PPM1L: variants seen among roughly 807,000 people sequenced by gnomAD.
The protein encoded by PPM1L is protein phosphatase, Mg2+/Mn2+ dependent 1L, also known as protein phosphatase 1L.
A neutral mutation model predicts 31.4 loss-of-function variants in PPM1L; 13 were observed. The observed-to-expected ratio is 0.41, with a 90% CI of 0.27 to 0.66. PPM1L has a LOEUF of 0.66. Among genes scored for constraint, PPM1L ranks in the 30% least tolerant of loss-of-function variants. The pLI is 0.29. For missense variants in PPM1L, 326 were observed against 453.7 expected (o/e 0.72, Z 2.56); for synonymous variants, 184 against 175.4 (o/e 1.05, Z -0.39).
In PPM1L at chr3:161,078,472, TTAATAAA is replaced by T. The variant is rs1720178439; in HGVS notation, c.*9319_*9325del. On this transcript the variant is annotated 3_prime_UTR_variant, in exon 4 of 4. Transcript: ENST00000498165. ...TATTTTAGGAATCTTCAAATTGTACTTAATAAATAAATCACAGGTCAAAATGACTGTA... is the reference window on the plus strand; with the variant it reads ...TATTTTAGGAATCTTCAAATTGTACTTAAATCACAGGTCAAAATGACTGTA... The T allele has an allele frequency of 6.6e-6, 1 of 152,214 alleles. No homozygotes were observed. The highest frequency in any genetic ancestry group is 1.5e-5 in the Non-Finnish European group (1 of 68,036). 9.4% of individuals were successfully genotyped at this position (152,214 alleles called of 1,614,324 possible).
chr3:160,917,354 A>G (rs1399900968), intron 1 of PPM1L, among the ~76,000 whole-genome samples: 1 of 151,992 alleles, frequency 6.6e-6, no homozygotes, highest in African/African-American at 2.4e-5. Flanking sequence ...TGTAAACTAT[A>G]GAGTGACAGG....
intron 2 of PPM1L, among the ~76,000 whole-genome samples, chr3:160,973,184 G>C (rs1716411571): frequency 6.6e-6 from 1 of 152,198 alleles, no homozygotes; most frequent in Admixed American, 6.5e-5. Flanking sequence ...TTTAGAATCA[G>C]GAAGTGCCAT....
chr3:160,966,532 T>G (rs1374743905), intron 2 of PPM1L, among the ~76,000 whole-genome samples: 3 of 152,154 alleles, frequency 2.0e-5, no homozygotes, highest in Non-Finnish European at 2.9e-5. Flanking sequence ...CATCATATTC[T>G]ATTTGAAAGT....
At chr3:160,851,934 C>T (rs1403122834) in intron 1 of PPM1L, among the ~76,000 whole-genome samples, 3 of 152,152 alleles carry the variant, frequency 2.0e-5, no homozygotes, top group African/African-American at 7.2e-5. Flanking sequence ...TTGTTTTTGA[C>T]GTCCTGTCGA....
At chr3:160,979,457 A>G (rs1335406286) in intron 2 of PPM1L, among the ~76,000 whole-genome samples, 4 of 152,074 alleles carry the variant, frequency 2.6e-5, no homozygotes, top group African/African-American at 9.7e-5. Flanking sequence ...ACCTTGGGAG[A>G]ACTCACACAG....
intron 1 of PPM1L, among the ~76,000 whole-genome samples, chr3:160,880,466 G>A (rs567762029): frequency 1.3e-5 from 2 of 152,186 alleles, no homozygotes; most frequent in Admixed American, 1.3e-4. Context: ...GAGAAGAAAT[G>A]CAATAACATT....
At chr3:160,796,998 T>A (rs1003896289) in intron 1 of PPM1L, among the ~76,000 whole-genome samples, 3 of 152,152 alleles carry the variant, frequency 2.0e-5, no homozygotes, top group African/African-American at 7.2e-5. Context: ...TCCTCAGCAC[T>A]CCAAGTACAG....
At chr3:160,816,351 GGTTT>G (rs1712995347) in intron 1 of PPM1L, among the ~76,000 whole-genome samples, 2 of 151,110 alleles carry the variant, frequency 1.3e-5, no homozygotes, top group South Asian at 2.1e-4. Flanking sequence ...GAGAATTGTT[GGTTT>G]GTTTCTTTTC....
At chr3:160,849,477 A>G (rs111950541) in intron 1 of PPM1L, among the ~76,000 whole-genome samples, 4,788 of 151,406 alleles carry the variant, frequency 0.032, 232 homozygotes, top group African/African-American at 0.11. Flanking sequence ...GCAGTGACAC[A>G]ATCTTGGCTC....
intron 1 of PPM1L, among the ~76,000 whole-genome samples, chr3:160,932,356 A>G (rs1284848452): frequency 1.3e-5 from 2 of 152,206 alleles, no homozygotes; most frequent in Non-Finnish European, 2.9e-5. Context: ...CATAGGAGAC[A>G]TAGTGCTGGA....
intron 3 of PPM1L, among the ~76,000 whole-genome samples, chr3:161,067,232 C>T (rs1431558042): frequency 6.6e-6 from 1 of 152,108 alleles, no homozygotes; most frequent in Non-Finnish European, 1.5e-5. Flanking sequence ...CCTGTCATAC[C>T]CACTACCCAC....
rs1019011364 is a variant in PPM1L at position 160,777,228 on chromosome 3, C to T, written c.399+20521C>T. Among the ~76,000 whole-genome samples the T allele has an allele frequency of 8.6e-5, 13 of 151,978 alleles. No individual in the cohort carries two copies. In the South Asian group the frequency reaches 1.2e-3, roughly 15 times the overall value. On this transcript the variant is annotated intron_variant, in intron 1 of 3. Coordinates refer to ENST00000498165, the MANE Select transcript of PPM1L (RefSeq NM_139245.4). ...GTCCCAGCTACTTGTGAGGATGATG[C>T]GGAGGTTGCTTGAGCCCAGGAGTTT... is the stretch of plus-strand genomic sequence containing the variant.
chr3:160,982,526 C>T (rs576811187), intron 2 of PPM1L, among the ~76,000 whole-genome samples: 1 of 152,236 alleles, frequency 6.6e-6, no homozygotes, highest in Non-Finnish European at 1.5e-5. Context: ...TTTGATCACT[C>T]ATTCTGTTAA....
intron 1 of PPM1L, among the ~76,000 whole-genome samples, chr3:160,831,040 G>T (rs1279119109): frequency 6.6e-6 from 1 of 152,108 alleles, no homozygotes; most frequent in Non-Finnish European, 1.5e-5. Context: ...CACCCAAGGG[G>T]GTTTAATATT....
At chr3:161,036,892 A>C (rs1718756623) in intron 2 of PPM1L, among the ~76,000 whole-genome samples, 1 of 152,118 alleles carries the variant, frequency 6.6e-6, no homozygotes, top group Non-Finnish European at 1.5e-5. Context: ...ATGAAATCTT[A>C]TTTACTATAT....
At chr3:161,031,502 C>CTTTTTTT (rs760907219) in intron 2 of PPM1L, among the ~76,000 whole-genome samples, 2,146 of 101,538 alleles carry the variant, frequency 0.021, 178 homozygotes, top group East Asian at 0.055. Flanking sequence ...GTATTCTGTC[C>CTTTTTTT]TTTTTTTTTT....
At chr3:160,761,020 G>C (rs1168203163) in intron 1 of PPM1L, among the ~76,000 whole-genome samples, 1 of 152,154 alleles carries the variant, frequency 6.6e-6, no homozygotes, top group East Asian at 1.9e-4. Context: ...TCCTTATGGA[G>C]GGTTGCCTGA....
intron 1 of PPM1L, among the ~76,000 whole-genome samples, chr3:160,905,457 C>A (rs567768181): frequency 1.3e-3 from 201 of 152,198 alleles, no homozygotes; most frequent in Middle Eastern, 3.4e-3. Context: ...GAGATATATA[C>A]TTTATTTAAC....
intron 1 of PPM1L, among the ~76,000 whole-genome samples, chr3:160,944,956 C>CATATATTATATATAACTA (rs1553748244): frequency 3.1e-5 from 1 of 32,536 alleles, no homozygotes; most frequent in African/African-American, 1.0e-4. Flanking sequence ...CTATATATAA[C>CATATATTATATATAACTA]TATATAACAT....
Sources: gnomAD v4.1 joint callset for allele counts (sites outside exome capture counted in the v4.1 genomes callset) on GRCh38, gnomAD v4.1.1 for gene constraint, MANE v1.5 for transcripts, NCBI Gene and HGNC (gene_info 2026-07-23, HGNC 2026-07-21) for gene names.